GAS6: variants seen among roughly 807,000 people sequenced by gnomAD.
GAS6 encodes growth arrest-specific protein 6.
Under a neutral mutation model 75.8 loss-of-function variants are expected in GAS6, and 41 were observed. The observed-to-expected ratio is 0.54, with a 90% CI of 0.42 to 0.70. GAS6 has a LOEUF of 0.70. GAS6 is among the 30% of genes least tolerant of loss of function. The probability of loss-of-function intolerance (pLI) is 0.00; values close to 1 mark genes in which losing one functional copy is unlikely to be tolerated. For synonymous variants in GAS6, 432 were observed against 412.6 expected (o/e 1.05, Z -0.57); for missense variants, 854 against 940.2 (o/e 0.91, Z 1.20).
chr13:113,855,452 G>A (rs1023575115), intron 2 of GAS6, among the ~76,000 whole-genome samples: 4 of 152,224 alleles, frequency 2.6e-5, no homozygotes, highest in Non-Finnish European at 5.9e-5. Context: ...AAGTTCATGT[G>A]TGTTCCCGGC....
Position 113,820,682 on chromosome 13 carries a change from A to G in GAS6, c.*182T>C. Reference sequence around the variant, plus strand: ...CGCCGGCCTCCCCGCGCCCGGGCCCACGGCTGAGTGCGCGGCGTCAGAGGC... The same window carrying G: ...CGCCGGCCTCCCCGCGCCCGGGCCCGCGGCTGAGTGCGCGGCGTCAGAGGC... On this transcript the variant is annotated 3_prime_UTR_variant, in exon 15 of 15. Coordinates refer to ENST00000327773, the MANE Select transcript of GAS6 (RefSeq NM_000820.4). 1 of 701,616 alleles carries G rather than the reference A, an allele frequency of 1.4e-6. No homozygotes were observed. The highest frequency in any genetic ancestry group is 2.3e-6 in the Non-Finnish European group (1 of 435,914). The allele number at this position is 701,616 out of a possible 1,614,324, so 43.5% of individuals were successfully genotyped here.
chr13:113,843,031 G>A (rs1346473921), intron 4 of GAS6: 1 of 393,434 alleles, frequency 2.5e-6, no homozygotes, highest in Non-Finnish European at 4.5e-6. Context: ...TGCAAGGACG[G>A]AACCACACCT....
At chr13:113,825,346 G>A (rs1444241686) in intron 12 of GAS6, among the ~76,000 whole-genome samples, 2 of 151,714 alleles carry the variant, frequency 1.3e-5, no homozygotes, top group African/African-American at 2.4e-5. Flanking sequence ...AAGGTTTCCC[G>A]GCTCCACGTG....
At chr13:113,821,688 T>G (rs1465470063) in intron 14 of GAS6, 11 of 487,412 alleles carry the variant, frequency 2.3e-5, no homozygotes, top group African/African-American at 1.4e-4. Context: ...TGTGGACGAA[T>G]GCTCCCTGAA....
In GAS6 at chr13:113,838,784, C is replaced by T. The variant is rs189031700; in HGVS notation, c.467-593G>A. 1.9e-4 allele frequency among the ~76,000 whole-genome samples: 28 copies of T among 149,426 alleles called. No individual in the cohort carries two copies. The East Asian group carries it at 4.2e-3, about 23-fold the overall frequency. Reference sequence around the variant, plus strand: ...GCACTGGAGCAGGAGGAAGGGACCGCGGGTGTGCACAGCCCAGCCCTGGAG... The same window carrying T: ...GCACTGGAGCAGGAGGAAGGGACCGTGGGTGTGCACAGCCCAGCCCTGGAG... On this transcript the variant is annotated intron_variant, in intron 5 of 14. Transcript: ENST00000327773.
chr13:113,821,760 C>T, intron 14 of GAS6, 198 bp downstream of exon 14: 1 of 556,356 alleles, frequency 1.8e-6, no homozygotes, highest in Non-Finnish European at 3.2e-6. Flanking sequence ...TTCTCAGTCT[C>T]AGCCAATGAC....
chr13:113,830,840 C>T (rs1391766071), intron 10 of GAS6, among the ~76,000 whole-genome samples: 1 of 152,302 alleles, frequency 6.6e-6, no homozygotes, highest in East Asian at 1.9e-4. Context: ...CCTCAGGCCA[C>T]CTGCCCTGGG....
At chr13:113,858,148 G>A (rs1264826750) in intron 2 of GAS6, among the ~76,000 whole-genome samples, 1 of 152,272 alleles carries the variant, frequency 6.6e-6, no homozygotes, top group African/African-American at 2.4e-5. Context: ...TGCTGCAGCT[G>A]TCAGTGGTCT....
intron 6 of GAS6, among the ~76,000 whole-genome samples, chr13:113,836,992 A>G (rs1375719168): frequency 3.3e-5 from 5 of 151,292 alleles, no homozygotes; most frequent in African/African-American, 9.7e-5. Context: ...CTGTGAGCCT[A>G]GACTTTGCCG....
intron 2 of GAS6, among the ~76,000 whole-genome samples, chr13:113,851,595 G>A (rs573032858): frequency 6.6e-6 from 1 of 151,616 alleles, no homozygotes; most frequent in South Asian, 2.1e-4. Context: ...CTGGATGGAT[G>A]GAGATGGATG....
At chr13:113,846,968 G>A in intron 3 of GAS6, 1 of 492,818 alleles carries the variant, frequency 2.0e-6, no homozygotes, top group Non-Finnish European at 4.0e-6. Context: ...TGCTTAACTG[G>A]AAAGCCACTC....
intron 8 of GAS6, 31 bp from the exon 9 acceptor site, chr13:113,832,783 G>C (rs749716413): frequency 6.2e-7 from 1 of 1,611,770 alleles, no homozygotes; most frequent in African/African-American, 1.3e-5. Flanking sequence ...GCCGGTCGGG[G>C]ATGTGGCCTT....
chr13:113,841,766 C>T (rs569546518), intron 4 of GAS6: 1 of 132,714 alleles, frequency 7.5e-6, no homozygotes, highest in Admixed American at 8.2e-5. Context: ...CCATACGCCC[C>T]CCAGTTTCCT....
At chr13:113,861,338 G>A (rs964896793) in intron 2 of GAS6, among the ~76,000 whole-genome samples, 3 of 152,118 alleles carry the variant, frequency 2.0e-5, no homozygotes, top group East Asian at 1.9e-4. Flanking sequence ...ACAACCACCC[G>A]TGGAGGACCA....
Position 113,824,248 on chromosome 13 carries a change from A to G in GAS6, c.1478-698T>C, listed in dbSNP as rs75596729. 6.0e-3 allele frequency among the ~76,000 whole-genome samples: 335 copies of G among 55,928 alleles called. 31 individuals carry two copies. Among genetic ancestry groups the G allele is most frequent in the South Asian group, 0.052 (40 of 766 alleles). 36.7% of individuals were successfully genotyped at this position (55,928 alleles called of 152,430 possible). A position where few individuals can be genotyped will look rare whatever the true frequency, so the allele number is the denominator to read the frequency against. ...CGCGCGGTCTGGGGTCTGAGCTGTC[A>G]GGAGCACCCGCGGTCTGGGGTCTGA... On this transcript the variant is annotated intron_variant, in intron 12 of 14. Transcript: ENST00000327773.
intron 11 of GAS6, among the ~76,000 whole-genome samples, chr13:113,828,076 C>CCATCCTGGCTAA (rs1371423608): frequency 1.8e-4 from 27 of 152,140 alleles, no homozygotes; most frequent in African/African-American, 3.4e-4. Flanking sequence ...AAGATCGAGA[C>CCATCCTGGCTAA]CACGGCGAAA....
rs777054303 is a variant in GAS6 at position 113,832,726 on chromosome 13, G to A, written c.861C>T (p.Ser287=). Reference sequence around the variant, plus strand: ...ACAAGGACTTCACACTCTTGGCCACGCTGAAGGGCACGCACGGCAAGATGT... The same window carrying A: ...ACAAGGACTTCACACTCTTGGCCACACTGAAGGGCACGCACGGCAAGATGT... ...CEDILPCVPF[S]VAKSVKSLYL... Residue 287 remains serine (S), a synonymous_variant, in exon 9 of 15, where the codon AGC becomes AGT. Transcript: ENST00000327773. 1.7e-5 allele frequency: 28 copies of A among 1,612,624 alleles called. No homozygotes were observed. The South Asian group carries it at 2.1e-4, about 12-fold the overall frequency.
intron 2 of GAS6, among the ~76,000 whole-genome samples, chr13:113,862,190 CCT>C (rs2051976771): frequency 6.6e-6 from 1 of 152,318 alleles, no homozygotes; most frequent in South Asian, 2.1e-4. Context: ...TGACATGGGC[CCT>C]GCAGGTCCTG....
intron 13 of GAS6, 65 bp from the exon 14 acceptor site, chr13:113,822,251 C>CTGTGAGGACCAGCT: frequency 7.9e-7 from 1 of 1,271,024 alleles, no homozygotes; most frequent in Non-Finnish European, 1.1e-6. Flanking sequence ...TAGGTCCAAG[C>CTGTGAGGACCAGCT]TGGTCCTCAC....
Sources: gnomAD v4.1 joint callset for allele counts (sites outside exome capture counted in the v4.1 genomes callset) on GRCh38, gnomAD v4.1.1 for gene constraint, MANE v1.5 for transcripts, NCBI Gene and HGNC (gene_info 2026-07-23, HGNC 2026-07-21) for gene names.